TMCC1: variants seen among roughly 807,000 people sequenced by gnomAD.
The protein encoded by TMCC1 is transmembrane and coiled-coil domain family 1.
Under a neutral mutation model 52.4 loss-of-function variants are expected in TMCC1, and 15 were observed. That is an observed-to-expected ratio of 0.29 (90% CI 0.19 to 0.44). The LOEUF is 0.44. Among genes scored for constraint, TMCC1 ranks in the 20% least tolerant of loss-of-function variants. The probability of loss-of-function intolerance (pLI) is 1.00; values close to 1 mark genes in which losing one functional copy is unlikely to be tolerated. For missense variants in TMCC1, 503 were observed against 806.0 expected (o/e 0.62, Z 4.55); for synonymous variants, 279 against 301.9 (o/e 0.92, Z 0.79).
At chr3:129,826,742 AC>A (rs1290332273) in intron 4 of TMCC1, among the ~76,000 whole-genome samples, 1 of 152,130 alleles carries the variant, frequency 6.6e-6, no homozygotes, top group Non-Finnish European at 1.5e-5. Flanking sequence ...AGTTTAAGGT[AC>A]TAGACTCAGT....
At chr3:129,759,024 T>C (rs947920233) in intron 4 of TMCC1, among the ~76,000 whole-genome samples, 1 of 152,224 alleles carries the variant, frequency 6.6e-6, no homozygotes, top group East Asian at 1.9e-4. Context: ...TAATAGTCCA[T>C]TGTATGTACG....
At chr3:129,813,635 G>A (rs2057944855) in intron 4 of TMCC1, among the ~76,000 whole-genome samples, 1 of 152,082 alleles carries the variant, frequency 6.6e-6, no homozygotes, top group African/African-American at 2.4e-5. Context: ...AGACACCAGG[G>A]CCTACTTGAG....
intron 2 of TMCC1, among the ~76,000 whole-genome samples, chr3:129,863,245 T>C (rs1005281965): frequency 1.3e-5 from 2 of 152,224 alleles, no homozygotes; most frequent in African/African-American, 2.4e-5. Flanking sequence ...TCAAAAGATC[T>C]GGAAATTATA....
chr3:129,748,669 T>C (rs13094690), intron 4 of TMCC1, among the ~76,000 whole-genome samples: 150,056 of 152,216 alleles, frequency 0.99, 74,000 homozygotes, highest in East Asian at 1. Context: ...ATCATTATAG[T>C]AGCTACTACA....
chr3:129,822,418 C>T (rs1009939041), intron 4 of TMCC1, among the ~76,000 whole-genome samples: 1 of 152,140 alleles, frequency 6.6e-6, no homozygotes, highest in African/African-American at 2.4e-5. Context: ...CTAGCCTGGG[C>T]ATTAGAGCAA....
intron 4 of TMCC1, among the ~76,000 whole-genome samples, chr3:129,686,502 T>C (rs2089419330): frequency 6.6e-6 from 1 of 152,168 alleles, no homozygotes; most frequent in South Asian, 2.1e-4. Flanking sequence ...TTTCTCACCA[T>C]AGTGCATTTG....
At chr3:129,678,362 T>A (rs1315993791) in intron 4 of TMCC1, among the ~76,000 whole-genome samples, 1 of 142,820 alleles carries the variant, frequency 7.0e-6, no homozygotes, top group East Asian at 2.0e-4. Flanking sequence ...TTTAATTCTT[T>A]TTTTTTTTTT....
At chr3:129,678,088 T>C (rs1250714586) in intron 4 of TMCC1, among the ~76,000 whole-genome samples, 1 of 151,958 alleles carries the variant, frequency 6.6e-6, no homozygotes, top group Admixed American at 6.6e-5. Context: ...CCACCACACC[T>C]GGCTAATTTT....
At chr3:129,672,930 T>G (rs563635196) in intron 4 of TMCC1, among the ~76,000 whole-genome samples, 149 of 152,280 alleles carry the variant, frequency 9.8e-4, no homozygotes, top group African/African-American at 3.3e-3. Context: ...GCTATGCTGA[T>G]CTCTGAGCCA....
intron 4 of TMCC1, among the ~76,000 whole-genome samples, chr3:129,793,729 C>A (rs2056628821): frequency 6.6e-6 from 1 of 152,176 alleles, no homozygotes; most frequent in Non-Finnish European, 1.5e-5. Context: ...GTTAAAAAAA[C>A]TTTTCCCCAA....
chr3:129,809,360 T>G (rs1030251654), intron 4 of TMCC1, among the ~76,000 whole-genome samples: 1 of 152,032 alleles, frequency 6.6e-6, no homozygotes, highest in African/African-American at 2.4e-5. Context: ...AAATGTTTCA[T>G]ACTCCTAGTG....
intron 4 of TMCC1, among the ~76,000 whole-genome samples, chr3:129,742,451 A>G (rs1166000068): frequency 2.0e-5 from 3 of 152,150 alleles, no homozygotes; most frequent in Admixed American, 2.0e-4. Context: ...AATGGCCAAT[A>G]AGCACATAAA....
chr3:129,658,605 A>G (rs757044458), intron 5 of TMCC1, among the ~76,000 whole-genome samples: 6 of 152,338 alleles, frequency 3.9e-5, no homozygotes, highest in Non-Finnish European at 8.8e-5. Flanking sequence ...CAGACCCAGT[A>G]TGAAGACAGC....
chr3:129,774,427 A>C (rs1415336553), intron 4 of TMCC1, among the ~76,000 whole-genome samples: 3 of 152,228 alleles, frequency 2.0e-5, no homozygotes, highest in Non-Finnish European at 4.4e-5. Flanking sequence ...GCTCACCTTC[A>C]ATAAATGTAT....
intron 4 of TMCC1, among the ~76,000 whole-genome samples, chr3:129,751,666 T>C (rs1474982812): frequency 1.3e-5 from 2 of 151,998 alleles, no homozygotes; most frequent in African/African-American, 2.4e-5. Flanking sequence ...GTTCAAGTGA[T>C]TGTCCTGCCT....
At chr3:129,709,944 TG>T (rs1177419108) in intron 4 of TMCC1, among the ~76,000 whole-genome samples, 1 of 152,002 alleles carries the variant, frequency 6.6e-6, no homozygotes, top group African/African-American at 2.4e-5. Flanking sequence ...CCCAGCACTT[TG>T]GGGGGCTGAG....
intron 2 of TMCC1, among the ~76,000 whole-genome samples, chr3:129,878,468 C>T (rs2061324001): frequency 6.6e-6 from 1 of 152,146 alleles, no homozygotes; most frequent in African/African-American, 2.4e-5. Flanking sequence ...AACCTGCTGA[C>T]TCTACTTGAA....
chr3:129,775,006 G>A (rs1257942358), intron 4 of TMCC1, among the ~76,000 whole-genome samples: 1 of 152,190 alleles, frequency 6.6e-6, no homozygotes, highest in African/African-American at 2.4e-5. Context: ...TAGAAGGCAA[G>A]GAGACCACTA....
At chr3:129,752,732 A>C (rs899460981) in intron 4 of TMCC1, among the ~76,000 whole-genome samples, 6 of 152,158 alleles carry the variant, frequency 3.9e-5, no homozygotes, top group East Asian at 1.9e-4. Flanking sequence ...ATGATAAAAA[A>C]AATCAATTTC....
Sources: allele counts gnomAD v4.1 joint callset (sites outside exome capture counted in the v4.1 genomes callset), GRCh38; gene constraint gnomAD v4.1.1; transcripts MANE v1.5; gene names NCBI Gene and HGNC (gene_info 2026-07-23, HGNC 2026-07-21).